PTPRT: variants seen among roughly 807,000 people sequenced by gnomAD.
PTPRT encodes protein tyrosine phosphatase receptor type T.
In PTPRT, 56 loss-of-function variants were observed where a neutral mutation model predicts 176.8. The ratio of observed to expected loss-of-function variants is 0.32; its 90% confidence interval spans 0.26 to 0.40. The LOEUF is 0.40. Ranked by LOEUF, PTPRT falls within the 10% of genes least tolerant of loss-of-function variation. PTPRT has a pLI of 1.00. For missense variants in PTPRT, 1,540 were observed against 1,908.2 expected, an observed-to-expected ratio of 0.81 and a Z score of 3.60; for synonymous variants, 783 against 739.0, an observed-to-expected ratio of 1.06 and a Z score of -0.96.
intron 14 of PTPRT, among the ~76,000 whole-genome samples, chr20:42,243,047 A>AAGGG (rs367669516): frequency 1.8e-4 from 24 of 133,470 alleles, no homozygotes; most frequent in South Asian, 2.9e-4. Flanking sequence ...GGCAGAAAGG[A>AAGGG]AGGGAGGGAG....
At chr20:42,900,903 A>C (rs2079392541) in intron 1 of PTPRT, among the ~76,000 whole-genome samples, 1 of 152,134 alleles carries the variant, frequency 6.6e-6, no homozygotes, top group African/African-American at 2.4e-5. Flanking sequence ...TCAAGGCATA[A>C]AACCCCTCGT....
At chr20:42,515,492 A>T (rs2145475210) in intron 7 of PTPRT, among the ~76,000 whole-genome samples, 1 of 152,316 alleles carries the variant, frequency 6.6e-6, no homozygotes, top group East Asian at 1.9e-4. Context: ...AAAACAAAAA[A>T]CAAAAAACAT....
chr20:42,780,404 A>C lies in PTPRT; in HGVS notation c.487-105T>G. On this transcript the variant is annotated intron_variant, in intron 3 of 30. Coordinates refer to ENST00000373187, the MANE Select transcript of PTPRT (RefSeq NM_007050.6). ...CTTTATGTTTCAACTTCCCATCAGAAGCAACCCAAGAAACCTTCTGTTAAG... is the reference window on the plus strand; with the variant it reads ...CTTTATGTTTCAACTTCCCATCAGACGCAACCCAAGAAACCTTCTGTTAAG... 12 of 811,856 alleles carry C rather than the reference A, an allele frequency of 1.5e-5. 1 individual carries two copies. In the South Asian group the frequency reaches 1.8e-4, roughly 12 times the overall value. The allele number at this position is 811,856 out of a possible 1,614,324, so 50.3% of individuals were successfully genotyped here.
At chr20:42,719,480 T>G (rs2076274344) in intron 6 of PTPRT, among the ~76,000 whole-genome samples, 1 of 152,194 alleles carries the variant, frequency 6.6e-6, no homozygotes, top group Non-Finnish European at 1.5e-5. Flanking sequence ...ATAAAGTGAC[T>G]TCTCTCCAAC....
chr20:42,561,405 T>C (rs1332718215), intron 7 of PTPRT, among the ~76,000 whole-genome samples: 1 of 152,218 alleles, frequency 6.6e-6, no homozygotes, highest in Admixed American at 6.5e-5. Context: ...GTGTCATTGA[T>C]GCATATTTAA....
chr20:42,197,169 G>A (rs544026251), intron 16 of PTPRT, among the ~76,000 whole-genome samples: 1 of 152,090 alleles, frequency 6.6e-6, no homozygotes, highest in Admixed American at 6.5e-5. Context: ...TACGAGGTCA[G>A]GAGATCGAGA....
intron 6 of PTPRT, among the ~76,000 whole-genome samples, chr20:42,748,325 G>A (rs2076720285): frequency 6.6e-6 from 1 of 152,148 alleles, no homozygotes; most frequent in Non-Finnish European, 1.5e-5. Flanking sequence ...TACCATGCCT[G>A]CTCTCTGATC....
chr20:42,076,734 A>G lies in PTPRT; in HGVS notation c.*4145T>C, dbSNP rs950297027. The G allele has an allele frequency of 5.0e-6, 1 of 200,306 alleles. No individual in the cohort carries two copies. The highest frequency in any genetic ancestry group is 2.3e-5 in the African/African-American group (1 of 43,056). The allele number at this position is 200,306 out of a possible 1,614,324, so 12.4% of individuals were successfully genotyped here. A position where few individuals can be genotyped will look rare whatever the true frequency, so the allele number is the denominator to read the frequency against. On this transcript the variant is annotated 3_prime_UTR_variant, in exon 31 of 31. Coordinates refer to ENST00000373187, the MANE Select transcript of PTPRT (RefSeq NM_007050.6). The stretch of plus-strand genomic sequence containing the variant: ...CAGAACAACATGAGGAACAGAGCAC[A>G]TTTTTTTTTGAAATATTCATAGAGT...
chr20:42,984,294 A>G (rs1568716793), intron 1 of PTPRT, among the ~76,000 whole-genome samples: 1 of 152,246 alleles, frequency 6.6e-6, no homozygotes, highest in Non-Finnish European at 1.5e-5. Flanking sequence ...AGCCACGAGA[A>G]GACTGGAATT....
At chr20:42,559,571 G>A (rs2072916362) in intron 7 of PTPRT, among the ~76,000 whole-genome samples, 1 of 152,124 alleles carries the variant, frequency 6.6e-6, no homozygotes, top group African/African-American at 2.4e-5. Flanking sequence ...TGACCAGCAA[G>A]AGAATGGAAT....
At chr20:42,517,233 AT>A (rs200486020) in intron 7 of PTPRT, among the ~76,000 whole-genome samples, 5 of 150,950 alleles carry the variant, frequency 3.3e-5, no homozygotes, top group Non-Finnish European at 7.4e-5. Context: ...GACTGCTCAG[AT>A]TTTTTTTTCA....
intron 9 of PTPRT, among the ~76,000 whole-genome samples, chr20:42,385,078 T>G (rs1195562818): frequency 2.6e-5 from 4 of 152,214 alleles, no homozygotes; most frequent in Non-Finnish European, 5.9e-5. Flanking sequence ...GTGCAAAACC[T>G]TGTAGTTTGA....
At chr20:42,646,716 T>C (rs753863160) in intron 7 of PTPRT, among the ~76,000 whole-genome samples, 8 of 151,908 alleles carry the variant, frequency 5.3e-5, no homozygotes, top group African/African-American at 1.5e-4. Flanking sequence ...TGCTGCACTA[T>C]AGGCTTCAGC....
intron 1 of PTPRT, among the ~76,000 whole-genome samples, chr20:43,012,396 A>G (rs1246267798): frequency 6.6e-6 from 1 of 152,188 alleles, no homozygotes; most frequent in African/African-American, 2.4e-5. Context: ...AGAGACATAA[A>G]GTAAAATGGT....
At chr20:42,216,361 G>A (rs2055770825) in intron 15 of PTPRT, among the ~76,000 whole-genome samples, 1 of 152,170 alleles carries the variant, frequency 6.6e-6, no homozygotes, top group African/African-American at 2.4e-5. Context: ...GCCTTACATA[G>A]ATTTTGGAAC....
chr20:42,926,559 A>C (rs58163550), intron 1 of PTPRT, among the ~76,000 whole-genome samples: 8,750 of 152,180 alleles, frequency 0.057, 668 homozygotes, highest in African/African-American at 0.18. Flanking sequence ...ATCTGGGGCC[A>C]AGACTCTGGC....
rs1982598154 is a variant in PTPRT, at chr20:42,074,627, T to G, written c.*6252A>C. 1 of 396,272 alleles carries G rather than the reference T, an allele frequency of 2.5e-6. No homozygotes were observed. The highest frequency in any genetic ancestry group is 3.6e-5 in the East Asian group (1 of 27,994). 24.5% of individuals were successfully genotyped at this position (396,272 alleles called of 1,614,324 possible). On this transcript the variant is annotated 3_prime_UTR_variant, in exon 31 of 31. Transcript: ENST00000373187. ...TCATCCTGAGCCCTTGCACTTCCCT[T>G]GTATCTGCCCCAGTGGACCACCCCT...
At chr20:42,237,058 A>C (rs1029269841) in intron 14 of PTPRT, among the ~76,000 whole-genome samples, 1 of 152,174 alleles carries the variant, frequency 6.6e-6, no homozygotes, top group East Asian at 1.9e-4. Flanking sequence ...AGAGCCTCTG[A>C]GACTACATAA....
At chr20:42,490,572 T>C (rs1370202555) in intron 7 of PTPRT, among the ~76,000 whole-genome samples, 2 of 152,198 alleles carry the variant, frequency 1.3e-5, no homozygotes, top group African/African-American at 4.8e-5. Flanking sequence ...GGCAACCTTG[T>C]TGAACTCTCT....
Sources: gnomAD v4.1 joint callset for allele counts (sites outside exome capture counted in the v4.1 genomes callset) on GRCh38, gnomAD v4.1.1 for gene constraint, MANE v1.5 for transcripts, NCBI Gene and HGNC (gene_info 2026-07-23, HGNC 2026-07-21) for gene names.